Variants in CDH13 observed in about 807,000 individuals in gnomAD.
CDH13 encodes the protein cadherin-13.
Under a neutral mutation model 63.8 loss-of-function variants are expected in CDH13, and 24 were observed. The ratio of observed to expected loss-of-function variants is 0.38; its 90% CI spans 0.27 to 0.53. The LOEUF (loss-of-function observed/expected upper bound fraction) is 0.53. CDH13 is among the 20% of genes least tolerant of loss of function. The probability of loss-of-function intolerance (pLI) is 0.85; values close to 1 mark genes in which losing one functional copy is unlikely to be tolerated. For synonymous variants in CDH13, 503 were observed against 355.3 expected (o/e 1.42, Z -4.67); for missense variants, 1,049 against 903.1 (o/e 1.16, Z -2.07).
chr16:82,973,407 A>G (rs1028257689), intron 2 of CDH13, among the ~76,000 whole-genome samples: 7 of 152,222 alleles, frequency 4.6e-5, no homozygotes, highest in African/African-American at 9.6e-5. Context: ...GTCAGCTCAT[A>G]TGAGACACCC....
intron 1 of CDH13, among the ~76,000 whole-genome samples, chr16:82,853,608 G>C (rs1033165666): frequency 5.9e-5 from 9 of 152,206 alleles, no homozygotes; most frequent in African/African-American, 1.9e-4. Context: ...CTGAACCAAC[G>C]TGGCTTAAAC....
At chr16:83,581,675 C>A (rs1408073855) in intron 7 of CDH13, among the ~76,000 whole-genome samples, 1 of 152,112 alleles carries the variant, frequency 6.6e-6, no homozygotes, top group African/African-American at 2.4e-5. Context: ...AAAAATTATC[C>A]AGGCGTAGGG....
At chr16:83,663,382 A>G (rs1272481630) in intron 8 of CDH13, among the ~76,000 whole-genome samples, 2 of 152,238 alleles carry the variant, frequency 1.3e-5, no homozygotes, top group African/African-American at 4.8e-5. Context: ...CTAATTTGCC[A>G]TTTAGAAATT....
intron 1 of CDH13, among the ~76,000 whole-genome samples, chr16:82,813,004 T>G (rs2037522670): frequency 6.6e-6 from 1 of 152,126 alleles, no homozygotes; most frequent in South Asian, 2.1e-4. Context: ...TTTTTAAACC[T>G]GGGAGTTGAA....
intron 2 of CDH13, among the ~76,000 whole-genome samples, chr16:83,021,307 A>G (rs545185718): frequency 1.7e-4 from 26 of 152,316 alleles, no homozygotes; most frequent in South Asian, 2.1e-4. Flanking sequence ...GCACTGTGCT[A>G]TATATAAAGT....
At chr16:83,553,165 G>A (rs528416377) in intron 7 of CDH13, among the ~76,000 whole-genome samples, 9 of 151,962 alleles carry the variant, frequency 5.9e-5, no homozygotes, top group Non-Finnish European at 8.8e-5. Flanking sequence ...AGCATTTTAC[G>A]GTATTCGGTG....
At chr16:83,347,724 C>G (rs747005699) in intron 6 of CDH13, among the ~76,000 whole-genome samples, 90 of 152,314 alleles carry the variant, frequency 5.9e-4, no homozygotes, top group Non-Finnish European at 8.8e-4. Context: ...GTCTACGTCT[C>G]CAGCTTCAAA....
intron 5 of CDH13, among the ~76,000 whole-genome samples, chr16:83,266,931 A>C (rs1379516588): frequency 6.6e-6 from 1 of 152,276 alleles, no homozygotes; most frequent in South Asian, 2.1e-4. Context: ...CTGAGCCCTC[A>C]GCCTATTTTC....
intron 6 of CDH13, among the ~76,000 whole-genome samples, chr16:83,353,724 A>G (rs938934856): frequency 2.6e-5 from 4 of 152,228 alleles, no homozygotes; most frequent in African/African-American, 9.6e-5. Flanking sequence ...TTCCTGGACT[A>G]GCCTATGTAT....
intron 5 of CDH13, among the ~76,000 whole-genome samples, chr16:83,251,939 G>T (rs1597597457): frequency 1.3e-5 from 2 of 152,062 alleles, no homozygotes; most frequent in East Asian, 1.9e-4. Context: ...CCCTGAGGGA[G>T]TGCCTCTTTC....
At chr16:83,087,331 C>G (rs2033653465) in intron 3 of CDH13, among the ~76,000 whole-genome samples, 1 of 152,022 alleles carries the variant, frequency 6.6e-6, no homozygotes, top group Non-Finnish European at 1.5e-5. Context: ...CTAGCAAGGT[C>G]CAAATGATAG....
rs75668929 is a variant in CDH13 at position 83,021,300 on chromosome 16, C to G, written c.158-10710C>G. On this transcript the variant is annotated intron_variant, in intron 2 of 13. Transcript: ENST00000567109. The stretch of plus-strand genomic sequence containing the variant: ...GGTTGAGTATGTACTGTGTCAAGCA[C>G]TGTGCTATATATAAAGTAATTCCAA... Among the ~76,000 whole-genome samples, 348 of 152,308 alleles carry G rather than the reference C, an allele frequency of 2.3e-3. 4 individuals are homozygous for G. Among genetic ancestry groups the G allele is most frequent in the African/African-American group, 7.9e-3 (330 of 41,586 alleles).
At chr16:83,096,846 T>C (rs1461416145) in intron 3 of CDH13, among the ~76,000 whole-genome samples, 1 of 152,174 alleles carries the variant, frequency 6.6e-6, no homozygotes, top group Admixed American at 6.5e-5. Context: ...ATACCTGGAG[T>C]TTAACATCTG....
chr16:83,460,767 G>A (rs2073155438), intron 6 of CDH13, among the ~76,000 whole-genome samples: 2 of 151,808 alleles, frequency 1.3e-5, no homozygotes, highest in African/African-American at 2.4e-5. Context: ...GCCGAGGCGG[G>A]AGGATTGCTT....
At chr16:83,381,432 C>G (rs911256968) in intron 6 of CDH13, among the ~76,000 whole-genome samples, 3 of 151,996 alleles carry the variant, frequency 2.0e-5, no homozygotes. Context: ...TTGTGCGTTC[C>G]CTATCCATGT....
At position 82,732,626 on chromosome 16, in the gene CDH13, C is replaced by T. The variant is rs148884944; in HGVS notation, c.45+105489C>T. ...CAAGAAATGAGTGGCCAGTTGCTAC[C>T]AGCCTATCCCAAAAGCCAAGAGATA... is the stretch of plus-strand genomic sequence containing the variant. On this transcript the variant is annotated intron_variant, in intron 1 of 13. Transcript: ENST00000567109. 3.1e-3 allele frequency among the ~76,000 whole-genome samples: 476 copies of T among 152,252 alleles called. 6 individuals are homozygous for T. The highest frequency in any genetic ancestry group is 0.011 in the African/African-American group (450 of 41,536).
At chr16:83,227,778 G>A (rs1380403383) in intron 5 of CDH13, among the ~76,000 whole-genome samples, 3 of 152,204 alleles carry the variant, frequency 2.0e-5, no homozygotes, top group Non-Finnish European at 4.4e-5. Flanking sequence ...ACGCCAGGCA[G>A]TGCAGACTCG....
chr16:83,005,028 G>C (rs978465334), intron 2 of CDH13, among the ~76,000 whole-genome samples: 6 of 152,146 alleles, frequency 3.9e-5, no homozygotes, highest in African/African-American at 1.4e-4. Context: ...TTCTCCTAAT[G>C]CTCCCTTTCA....
chr16:82,714,861 C>G (rs1023299316), intron 1 of CDH13, among the ~76,000 whole-genome samples: 1 of 140,840 alleles, frequency 7.1e-6, no homozygotes, highest in African/African-American at 2.6e-5. Context: ...CAGCATGAAA[C>G]AGACTGCCAT....
Sources: gnomAD v4.1 joint callset for allele counts (sites outside exome capture counted in the v4.1 genomes callset) on GRCh38, gnomAD v4.1.1 for gene constraint, MANE v1.5 for transcripts, NCBI Gene and HGNC (gene_info 2026-07-23, HGNC 2026-07-21) for gene names.